Variants in NRXN1 observed in about 807,000 individuals in gnomAD.
NRXN1 encodes the protein neurexin-1.
In NRXN1, 39 loss-of-function variants were observed where a neutral mutation model predicts 150.9. The observed-to-expected ratio is 0.26, with a 90% CI of 0.20 to 0.34. NRXN1 has a LOEUF of 0.34. Among genes scored for constraint, NRXN1 ranks in the 10% least tolerant of loss-of-function variants. The probability of loss-of-function intolerance (pLI) is 1.00; values close to 1 mark genes in which losing one functional copy is unlikely to be tolerated. For missense variants in NRXN1, 1,815 were observed against 1,949.9 expected (o/e 0.93, Z 1.30); for synonymous variants, 924 against 757.0 (o/e 1.22, Z -3.62).
chr2:50,539,450 T>A (rs564950046), intron 9 of NRXN1, among the ~76,000 whole-genome samples: 1 of 152,192 alleles, frequency 6.6e-6, no homozygotes, highest in African/African-American at 2.4e-5. Flanking sequence ...CTCTAAGTCC[T>A]AAGTATGGAA....
intron 5 of NRXN1, among the ~76,000 whole-genome samples, chr2:50,625,503 A>T (rs1287341049): frequency 6.6e-6 from 1 of 152,122 alleles, no homozygotes; most frequent in Non-Finnish European, 1.5e-5. Context: ...CCAAGTGTTA[A>T]GCCCAGTACC....
At chr2:50,467,008 C>T (rs2088954540) in intron 16 of NRXN1, among the ~76,000 whole-genome samples, 1 of 151,592 alleles carries the variant, frequency 6.6e-6, no homozygotes, top group African/African-American at 2.4e-5. Context: ...GTGACACCAA[C>T]CAAATGCTGC....
chr2:50,686,363 T>C (rs1290883185), intron 5 of NRXN1, among the ~76,000 whole-genome samples: 1 of 151,642 alleles, frequency 6.6e-6, no homozygotes, highest in Non-Finnish European at 1.5e-5. Context: ...TTGCAGCAAA[T>C]TCCTCTCACA....
At chr2:50,613,780 T>C (rs942765406) in intron 8 of NRXN1, among the ~76,000 whole-genome samples, 4 of 151,938 alleles carry the variant, frequency 2.6e-5, no homozygotes, top group Non-Finnish European at 5.9e-5. Flanking sequence ...CTACTAAAAA[T>C]ACAAAAAATT....
At chr2:50,629,010 C>A (rs1216836589) in intron 5 of NRXN1, among the ~76,000 whole-genome samples, 1 of 151,592 alleles carries the variant, frequency 6.6e-6, no homozygotes, top group Non-Finnish European at 1.5e-5. Flanking sequence ...GGATGTGGGG[C>A]AACTAGAACT....
chr2:50,455,387 C>T (rs1000499686), intron 17 of NRXN1, among the ~76,000 whole-genome samples: 5 of 152,126 alleles, frequency 3.3e-5, no homozygotes, highest in African/African-American at 1.2e-4. Context: ...GCATTTAGAA[C>T]TCAGGCAGCA....
intron 5 of NRXN1, among the ~76,000 whole-genome samples, chr2:50,752,521 G>C (rs1051960585): frequency 6.6e-6 from 1 of 151,846 alleles, no homozygotes; most frequent in South Asian, 2.1e-4. Context: ...GAGATGAATC[G>C]TGAAGCAATC....
intron 22 of NRXN1, among the ~76,000 whole-genome samples, chr2:49,929,232 C>A (rs187233006): frequency 2.0e-5 from 3 of 152,222 alleles, no homozygotes; most frequent in Admixed American, 2.0e-4. Context: ...GGTACCACAT[C>A]GAACAGAAGA....
intron 5 of NRXN1, among the ~76,000 whole-genome samples, chr2:50,673,038 T>G (rs904670076): frequency 1.2e-4 from 18 of 152,070 alleles, no homozygotes; most frequent in African/African-American, 4.3e-4. Flanking sequence ...CATATCTGCA[T>G]ATATTACAAA....
intron 5 of NRXN1, among the ~76,000 whole-genome samples, chr2:50,757,590 A>G (rs954691184): frequency 1.3e-5 from 2 of 151,790 alleles, no homozygotes; most frequent in African/African-American, 4.8e-5. Flanking sequence ...CACATGCAGT[A>G]TCTCCCTTTT....
rs66612444 is a variant in NRXN1, at chr2:49,920,697, CGTGTGTGTGTGTGTGT to C, written c.*1231_*1246del. On this transcript the variant is annotated 3_prime_UTR_variant, in exon 23 of 23. Transcript: ENST00000401669. ...CATATCTGATGGATTGCTGTGGATTCGTGTGTGTGTGTGTGTGTGTGTGTGTGTGTGTGTGTGTGTG... is the reference window on the plus strand; with the variant it reads ...CATATCTGATGGATTGCTGTGGATTCGTGTGTGTGTGTGTGTGTGTGTGTG... 0.025 allele frequency: 3,516 copies of C among 142,950 alleles called. 82 individuals carry two copies. Among genetic ancestry groups the C allele is most frequent in the African/African-American group, 0.07 (2,642 of 37,944 alleles). The allele number at this position is 142,950 out of a possible 1,614,324, so 8.9% of individuals were successfully genotyped here.
In NRXN1 at chr2:50,509,320, A is replaced by G. The variant is rs544950431; in HGVS notation, c.2375-2703T>C. ...TTTGTGGTGACTCCCAGCTTGCCCT[A>G]CAGAATGATCACACTGCTAGCAAAT... is the stretch of plus-strand genomic sequence containing the variant. On this transcript the variant is annotated intron_variant, in intron 12 of 22. Coordinates refer to ENST00000401669, the MANE Select transcript of NRXN1 (RefSeq NM_001330078.2). Among the ~76,000 whole-genome samples the G allele has an allele frequency of 1.2e-4, 18 of 152,294 alleles. No homozygotes were observed. The South Asian group carries it at 2.1e-3, about 18-fold the overall frequency.
At chr2:50,441,216 A>G (rs529110375) in intron 17 of NRXN1, among the ~76,000 whole-genome samples, 2 of 152,288 alleles carry the variant, frequency 1.3e-5, no homozygotes, top group South Asian at 4.1e-4. Flanking sequence ...ATTTTATCTT[A>G]AATGTAGCCA....
In NRXN1 at chr2:50,471,096, T is replaced by C. The variant is rs944347999; in HGVS notation, c.3244+1202A>G. Among the ~76,000 whole-genome samples the C allele has an allele frequency of 2.0e-5, 3 of 151,820 alleles. No homozygotes were observed. In the East Asian group the frequency reaches 5.8e-4, roughly 29 times the overall value. ...TTGGATATAGATTTACTTATTTTTA[T>C]TTTACTTTTTTTTTAATTTCAGTAG... On this transcript the variant is annotated intron_variant, in intron 16 of 22. Transcript: ENST00000401669.
intron 5 of NRXN1, among the ~76,000 whole-genome samples, chr2:50,773,635 A>C (rs566376502): frequency 6.6e-6 from 1 of 152,150 alleles, no homozygotes; most frequent in Non-Finnish European, 1.5e-5. Flanking sequence ...TATAAGCGCC[A>C]ATCTCTTCAC....
At position 50,169,220 on chromosome 2, in the gene NRXN1, T is replaced by G. The variant is rs1325738884; in HGVS notation, c.3546+67569A>C. On this transcript the variant is annotated intron_variant, in intron 18 of 22. Transcript: ENST00000401669. ...TTGCTGAAAGCCGTACAGAAAGCAG[T>G]AAAAGATCCAGTATTCAAAAGTAGG... 3.3e-5 allele frequency among the ~76,000 whole-genome samples: 5 copies of G among 152,116 alleles called. No homozygotes were observed. The East Asian group carries it at 9.6e-4, about 29-fold the overall frequency.
intron 5 of NRXN1, among the ~76,000 whole-genome samples, chr2:50,878,813 T>C (rs185029662): frequency 6.6e-6 from 1 of 152,092 alleles, no homozygotes; most frequent in East Asian, 1.9e-4. Flanking sequence ...GTAGAGTTTT[T>C]CCTTCCCCAG....
At chr2:50,667,501 C>T (rs936507129) in intron 5 of NRXN1, among the ~76,000 whole-genome samples, 6 of 151,834 alleles carry the variant, frequency 4.0e-5, no homozygotes, top group South Asian at 2.1e-4. Flanking sequence ...TGTTACTGGG[C>T]AAGTAAAGCT....
chr2:50,486,195 T>A (rs1486752953), intron 15 of NRXN1, among the ~76,000 whole-genome samples: 1 of 152,170 alleles, frequency 6.6e-6, no homozygotes, highest in East Asian at 1.9e-4. Context: ...AATGTAATGC[T>A]TTCACACATA....
Sources: allele counts gnomAD v4.1 joint callset (sites outside exome capture counted in the v4.1 genomes callset), GRCh38; gene constraint gnomAD v4.1.1; transcripts MANE v1.5; gene names NCBI Gene and HGNC (gene_info 2026-07-23, HGNC 2026-07-21).